The following MYO16 variants were observed in gnomAD, a reference collection of about 807,000 sequenced individuals.
MYO16 encodes myosin XVI.
MYO16 carries 94 observed loss-of-function variants against 205.3 expected under a neutral mutation model. That is an observed-to-expected ratio of 0.46 (90% CI 0.39 to 0.54). The LOEUF is 0.54. MYO16 is among the 20% of genes least tolerant of loss of function. The pLI is 0.00. For synonymous variants in MYO16, 988 were observed against 954.0 expected (o/e 1.04, Z -0.66); for missense variants, 2,315 against 2,387.5 (o/e 0.97, Z 0.63).
At chr13:109,048,964 G>GGA (rs377074438) in intron 24 of MYO16, 1 of 76,922 alleles carries the variant, frequency 1.3e-5, no homozygotes, top group Non-Finnish European at 2.3e-5. Flanking sequence ...AAAGGAGGCA[G>GGA]AAAAAAAAAA....
At chr13:109,186,016 A>G (rs903622405) in intron 34 of MYO16, among the ~76,000 whole-genome samples, 2 of 152,082 alleles carry the variant, frequency 1.3e-5, no homozygotes, top group Non-Finnish European at 2.9e-5. Flanking sequence ...CTCCAGGTGA[A>G]ATGTACAGAC....
chr13:108,830,411 G>C (rs9555518), intron 9 of MYO16, among the ~76,000 whole-genome samples: 35,654 of 150,292 alleles, frequency 0.24, 4,957 homozygotes, highest in East Asian at 0.66. Context: ...ACATATACAC[G>C]ATGGAATACT....
rs571547642 is a variant in MYO16 at position 108,629,881 on chromosome 13, G to A, written c.28+9G>A. On this transcript the variant is annotated intron_variant, in intron 1 of 34. Coordinates refer to ENST00000457511, the MANE Select transcript of MYO16 (RefSeq NM_001198950.3). ...TCATTTTATCAAGTGCTGTAAGTAAGCTTGATATCTTGCTCATGTGGTTAT... is the reference window on the plus strand; with the variant it reads ...TCATTTTATCAAGTGCTGTAAGTAAACTTGATATCTTGCTCATGTGGTTAT... The A allele has an allele frequency of 5.6e-5, 85 of 1,523,048 alleles. No individual in the cohort carries two copies. In the African/African-American group the frequency reaches 1.1e-3, roughly 20 times the overall value. The allele number at this position is 1,523,048 out of a possible 1,614,324, so 94.3% of individuals were successfully genotyped here.
chr13:108,935,942 G>C (rs1882458535), intron 16 of MYO16, among the ~76,000 whole-genome samples: 1 of 151,708 alleles, frequency 6.6e-6, no homozygotes, highest in Non-Finnish European at 1.5e-5. Flanking sequence ...TTATTGATTT[G>C]TGTATATTGA....
intron 7 of MYO16, among the ~76,000 whole-genome samples, chr13:108,814,573 A>T (rs572221054): frequency 1.6e-4 from 24 of 152,242 alleles, no homozygotes; most frequent in African/African-American, 5.1e-4. Flanking sequence ...TATCTTTCAG[A>T]TTTAAAGATA....
chr13:108,703,847 GC>G (rs1883400604), intron 2 of MYO16, among the ~76,000 whole-genome samples: 1 of 152,002 alleles, frequency 6.6e-6, no homozygotes, highest in South Asian at 2.1e-4. Context: ...TATACCCTTA[GC>G]CCCCAGTAAA....
rs148890737 is a variant in MYO16 at position 109,184,743 on chromosome 13, C to T, written c.5415+5110C>T. Among the ~76,000 whole-genome samples, 220 of 151,914 alleles carry T rather than the reference C, an allele frequency of 1.4e-3. 2 individuals carry two copies. The highest frequency in any genetic ancestry group is 0.014 in the Middle Eastern group (4 of 292). On this transcript the variant is annotated intron_variant, in intron 34 of 34. Transcript: ENST00000457511. ...TCCCAAGTAGTTGGGATTACAGGCG[C>T]GTGCCACCACACTTGGCTAATTTTT...
At chr13:108,756,070 T>C (rs1391171816) in intron 4 of MYO16, among the ~76,000 whole-genome samples, 1 of 152,172 alleles carries the variant, frequency 6.6e-6, no homozygotes, top group Non-Finnish European at 1.5e-5. Context: ...CTAATTTTAT[T>C]TTTCTGCTCA....
intron 23 of MYO16, among the ~76,000 whole-genome samples, chr13:109,021,436 A>G (rs940984056): frequency 1.3e-5 from 2 of 152,140 alleles, no homozygotes; most frequent in Admixed American, 6.6e-5. Context: ...TCCCACTGCA[A>G]GGGAAAATCA....
intron 4 of MYO16, among the ~76,000 whole-genome samples, chr13:108,736,772 T>C (rs1486948648): frequency 6.6e-6 from 1 of 152,216 alleles, no homozygotes; most frequent in African/African-American, 2.4e-5. Context: ...TTCCTATCCA[T>C]GAGCATGGAA....
At chr13:109,023,098 TTATA>T (rs1455742732) in intron 23 of MYO16, among the ~76,000 whole-genome samples, 1 of 132,872 alleles carries the variant, frequency 7.5e-6, no homozygotes, top group Admixed American at 8.4e-5. Flanking sequence ...GTAAATATGT[TTATA>T]TATTGTATAT....
At chr13:108,982,270 T>A (rs1884471864) in intron 20 of MYO16, among the ~76,000 whole-genome samples, 1 of 152,248 alleles carries the variant, frequency 6.6e-6, no homozygotes, top group Non-Finnish European at 1.5e-5. Flanking sequence ...TAACTATGTG[T>A]GGTGATGGAC....
intron 34 of MYO16, among the ~76,000 whole-genome samples, chr13:109,191,200 C>T (rs938704136): frequency 6.6e-6 from 1 of 151,334 alleles, no homozygotes; most frequent in Non-Finnish European, 1.5e-5. Flanking sequence ...GCCTGGGGGA[C>T]AAGAGCGAAA....
the MYO16 span, among the ~76,000 whole-genome samples, chr13:108,510,466 T>TTG: frequency 3.7e-3 from 410 of 112,028 alleles, 21 homozygotes; most frequent in African/African-American, 8.9e-3. Context: ...TAGCTGTTTT[T>TTG]TTTTTTTTTT....
intron 25 of MYO16, among the ~76,000 whole-genome samples, chr13:109,052,836 TTCAGATAACTGAGG>T (rs1360720533): frequency 1.4e-4 from 22 of 152,280 alleles, no homozygotes; most frequent in African/African-American, 5.3e-4. Context: ...TATTAATCAC[TTCAGATAACTGAGG>T]TCTCTAAATG....
chr13:108,794,665 A>G (rs1170938725), intron 6 of MYO16, among the ~76,000 whole-genome samples: 1 of 152,200 alleles, frequency 6.6e-6, no homozygotes, highest in East Asian at 1.9e-4. Context: ...ATGTCTAATC[A>G]CCGAAATAAG....
the MYO16 span, among the ~76,000 whole-genome samples, chr13:108,583,040 A>C: frequency 1.6e-4 from 24 of 152,212 alleles, no homozygotes; most frequent in African/African-American, 5.8e-4. Flanking sequence ...AATAAATATT[A>C]GAATATTTAA....
chr13:108,899,405 G>A (rs572173271), intron 15 of MYO16, among the ~76,000 whole-genome samples: 4 of 150,698 alleles, frequency 2.7e-5, no homozygotes, highest in Admixed American at 6.6e-5. Context: ...CCTGGGCAAC[G>A]AGAGCCAAAC....
chr13:109,045,699 T>C (rs1395533930), intron 23 of MYO16, among the ~76,000 whole-genome samples: 1 of 152,212 alleles, frequency 6.6e-6, no homozygotes, highest in African/African-American at 2.4e-5. Context: ...GCACCCATTG[T>C]GGCAGATGCA....
Sources: gnomAD v4.1 joint callset for allele counts (sites outside exome capture counted in the v4.1 genomes callset) on GRCh38, gnomAD v4.1.1 for gene constraint, MANE v1.5 for transcripts, NCBI Gene and HGNC (gene_info 2026-07-23, HGNC 2026-07-21) for gene names.